The following DPH6 variants were observed in gnomAD, a reference collection of about 807,000 sequenced individuals.
DPH6 encodes diphthamine biosynthesis 6.
In DPH6, 33 loss-of-function variants were observed where a neutral mutation model predicts 38.2. That is an observed-to-expected ratio of 0.86 (90% CI 0.65 to 1.15). DPH6 has a LOEUF of 1.15. Among genes scored for constraint, DPH6 ranks in the 50% most tolerant of loss-of-function variants. The probability of loss-of-function intolerance (pLI) is 0.00; values close to 1 mark genes in which losing one functional copy is unlikely to be tolerated. For missense variants in DPH6, 325 were observed against 320.0 expected (o/e 1.02, Z -0.12); for synonymous variants, 108 against 103.0 (o/e 1.05, Z -0.30).
intron 3 of DPH6, among the ~76,000 whole-genome samples, chr15:35,315,364 A>G (rs2052179816): frequency 6.6e-6 from 1 of 152,220 alleles, no homozygotes; most frequent in Non-Finnish European, 1.5e-5. Flanking sequence ...AAACAAACTT[A>G]TTTCTTATTG....
At chr15:35,476,889 CTG>C (rs2054270373) in intron 3 of DPH6, among the ~76,000 whole-genome samples, 1 of 151,758 alleles carries the variant, frequency 6.6e-6, no homozygotes, top group Admixed American at 6.6e-5. Flanking sequence ...CAGTAAAACA[CTG>C]GCTTTTCTTT....
At chr15:35,522,268 C>T in intron 3 of DPH6, 2 of 1,612,822 alleles carry the variant, frequency 1.2e-6, no homozygotes, top group Non-Finnish European at 1.7e-6. Context: ...CAAGGTCATT[C>T]TAGTGATGCC....
intron 5 of DPH6, among the ~76,000 whole-genome samples, chr15:35,450,297 AAAT>A (rs1480143425): frequency 6.6e-6 from 1 of 152,038 alleles, no homozygotes; most frequent in African/African-American, 2.4e-5. Flanking sequence ...GTTTTGTGTC[AAAT>A]ACATATTATA....
chr15:35,423,955 T>C (rs933542494), intron 5 of DPH6, among the ~76,000 whole-genome samples: 3 of 151,892 alleles, frequency 2.0e-5, no homozygotes, highest in African/African-American at 7.2e-5. Flanking sequence ...AGTGCCATTC[T>C]GTTTTCATTA....
chr15:35,198,912 G>A, the DPH6 span, among the ~76,000 whole-genome samples: 2 of 151,660 alleles, frequency 1.3e-5, no homozygotes, highest in African/African-American at 2.4e-5. Flanking sequence ...ATAATTTGTT[G>A]TCTTCTTCTT....
At chr15:35,480,452 A>T (rs1333299856) in intron 3 of DPH6, among the ~76,000 whole-genome samples, 1 of 152,098 alleles carries the variant, frequency 6.6e-6, no homozygotes, top group Non-Finnish European at 1.5e-5. Flanking sequence ...TCATGCAGTG[A>T]TGAAGTATAA....
chr15:35,330,791 G>A (rs1390592852), downstream of DPH6: 1 of 152,104 alleles, frequency 6.6e-6, no homozygotes, highest in African/African-American at 2.4e-5. Context: ...TTACCAGACA[G>A]TCAATGCTAA....
chr15:35,385,319 G>A (rs552265206), intron 6 of DPH6, among the ~76,000 whole-genome samples: 27 of 152,204 alleles, frequency 1.8e-4, no homozygotes, highest in African/African-American at 5.5e-4. Flanking sequence ...ACATGCACAC[G>A]TATGTTTACT....
At chr15:35,525,052 T>C (rs1222608189) in intron 3 of DPH6, among the ~76,000 whole-genome samples, 6 of 152,152 alleles carry the variant, frequency 3.9e-5, no homozygotes, top group African/African-American at 1.4e-4. Flanking sequence ...CTGAAGAGTA[T>C]TCAAATTTGA....
intron 3 of DPH6, among the ~76,000 whole-genome samples, chr15:35,253,156 G>A (rs1011768783): frequency 3.3e-5 from 5 of 152,140 alleles, no homozygotes; most frequent in African/African-American, 1.2e-4. Flanking sequence ...TTGAAGCATA[G>A]AACAGAAAAA....
In DPH6 at chr15:35,508,892, A is replaced by C. The variant is rs534220189; in HGVS notation, c.312+29382T>G. Among the ~76,000 whole-genome samples the C allele has an allele frequency of 1.6e-4, 24 of 152,274 alleles. No homozygotes were observed. In the South Asian group the frequency reaches 5.0e-3, roughly 32 times the overall value. Reference sequence around the variant, plus strand: ...AAAATCAAAATCTGCATTTAAATGGAAATATTTTTAAACATATAGGACAAA... The same window carrying C: ...AAAATCAAAATCTGCATTTAAATGGCAATATTTTTAAACATATAGGACAAA... On this transcript the variant is annotated intron_variant, in intron 3 of 8. Transcript: ENST00000256538.
At chr15:35,385,769 T>TA (rs1226606422) in intron 6 of DPH6, among the ~76,000 whole-genome samples, 7 of 151,962 alleles carry the variant, frequency 4.6e-5, no homozygotes, top group African/African-American at 1.4e-4. Flanking sequence ...ATAATAATAA[T>TA]AAAAAAAGGC....
intron 3 of DPH6, among the ~76,000 whole-genome samples, chr15:35,494,911 C>T (rs949877965): frequency 6.6e-6 from 1 of 152,002 alleles, no homozygotes; most frequent in African/African-American, 2.4e-5. Flanking sequence ...CAGGCTTTCA[C>T]CCTAAAATCA....
chr15:35,409,124 C>T (rs981876377), intron 6 of DPH6, among the ~76,000 whole-genome samples: 6 of 151,782 alleles, frequency 4.0e-5, no homozygotes, highest in African/African-American at 7.3e-5. Context: ...TAGGAAAGAA[C>T]ACTTCTCCCA....
intron 3 of DPH6, among the ~76,000 whole-genome samples, chr15:35,275,347 T>C (rs1334976060): frequency 6.6e-6 from 1 of 152,142 alleles, no homozygotes; most frequent in African/African-American, 2.4e-5. Flanking sequence ...GTGGCACATA[T>C]ACACCATGGA....
the DPH6 span, among the ~76,000 whole-genome samples, chr15:35,180,862 A>G: frequency 6.6e-6 from 1 of 152,190 alleles, no homozygotes; most frequent in Admixed American, 6.5e-5. Context: ...TTTAATATAT[A>G]TTTCTTATGG....
chr15:35,457,527 A>T (rs1273431479), intron 3 of DPH6, among the ~76,000 whole-genome samples: 1 of 151,544 alleles, frequency 6.6e-6, no homozygotes, highest in Non-Finnish European at 1.5e-5. Flanking sequence ...TGAACTCCTG[A>T]CCTTAAGTGA....
At chr15:35,482,633 A>G (rs2054341769) in intron 3 of DPH6, among the ~76,000 whole-genome samples, 1 of 152,232 alleles carries the variant, frequency 6.6e-6, no homozygotes, top group African/African-American at 2.4e-5. Flanking sequence ...GTTTTTCAAC[A>G]AAAGTATAGA....
chr15:35,472,551 C>G lies in DPH6; in HGVS notation c.313-17731G>C, dbSNP rs578106385. Among the ~76,000 whole-genome samples the G allele has an allele frequency of 2.0e-5, 3 of 152,170 alleles. No homozygotes were observed. The South Asian group carries it at 6.2e-4, about 32-fold the overall frequency. On this transcript the variant is annotated intron_variant, in intron 3 of 8. Transcript: ENST00000256538. ...TACAGACATTTAAGCTGACTAAGCC[C>G]TCCTGGACACCAAACAGTACCTGCA...
Sources: gnomAD v4.1 joint callset for allele counts (sites outside exome capture counted in the v4.1 genomes callset) on GRCh38, gnomAD v4.1.1 for gene constraint, MANE v1.5 for transcripts, NCBI Gene and HGNC (gene_info 2026-07-23, HGNC 2026-07-21) for gene names.